Variants in IRAK1BP1 observed in about 807,000 individuals in gnomAD.
IRAK1BP1 encodes interleukin 1 receptor associated kinase 1 binding protein 1.
A neutral mutation model predicts 28.0 loss-of-function variants in IRAK1BP1; 24 were observed. That is an observed-to-expected ratio of 0.86 (90% CI 0.62 to 1.20). The LOEUF (loss-of-function observed/expected upper bound fraction) is 1.20. Among genes scored for constraint, IRAK1BP1 ranks in the 50% most tolerant of loss-of-function variants. The pLI, the probability that IRAK1BP1 is intolerant of heterozygous loss-of-function variation, is 0.00. For missense variants in IRAK1BP1, 336 were observed against 316.7 expected, an observed-to-expected ratio of 1.06 and a Z score of -0.46; for synonymous variants, 131 against 116.3, an observed-to-expected ratio of 1.13 and a Z score of -0.81.
the IRAK1BP1 span, chr6:78,958,639 A>G: frequency 4.1e-6 from 5 of 1,205,010 alleles, no homozygotes; most frequent in Non-Finnish European, 6.1e-6. Context: ...ACTTCCTTAT[A>G]TTTAGAAATA....
chr6:78,947,951 T>C (rs76736089), downstream of IRAK1BP1, among the ~76,000 whole-genome samples: 1 of 150,738 alleles, frequency 6.6e-6, no homozygotes, highest in African/African-American at 2.4e-5. Flanking sequence ...TATTTCATAC[T>C]CCCCCCCCTT....
the IRAK1BP1 span, chr6:78,970,945 C>T: frequency 2.4e-5 from 27 of 1,145,590 alleles, no homozygotes; most frequent in African/African-American, 3.8e-4. Flanking sequence ...ATCCAATATA[C>T]AGGGTATCAG....
At chr6:78,927,773 C>T (rs375258190) in intron 4 of IRAK1BP1, among the ~76,000 whole-genome samples, 49 of 152,098 alleles carry the variant, frequency 3.2e-4, no homozygotes, top group African/African-American at 5.1e-4. Context: ...TTTCCAGGCA[C>T]CATTTACTGA....
chr6:78,900,626 C>T lies in IRAK1BP1; in HGVS notation c.*2292C>T, dbSNP rs1190741301. On this transcript the variant is annotated 3_prime_UTR_variant, in exon 4 of 4. Coordinates refer to ENST00000369940, the MANE Select transcript of IRAK1BP1 (RefSeq NM_001010844.4). ...TTGTGTTCCCAGCCCCAGAGGTAGT[C>T]TCAGGGCCAATATCAAGTATGCTCT... 3.9e-5 allele frequency: 6 copies of T among 152,150 alleles called. No individual in the cohort carries two copies. The highest frequency in any genetic ancestry group is 8.8e-5 in the Non-Finnish European group (6 of 68,028). 9.4% of individuals were successfully genotyped at this position (152,150 alleles called of 1,614,324 possible). A position where few individuals can be genotyped will look rare whatever the true frequency, so the allele number is the denominator to read the frequency against.
chr6:78,887,829 A>G (rs1771485264), intron 2 of IRAK1BP1, among the ~76,000 whole-genome samples: 1 of 152,206 alleles, frequency 6.6e-6, no homozygotes, highest in African/African-American at 2.4e-5. Flanking sequence ...GAACTACGAT[A>G]TGACCCAGCA....
At chr6:78,968,299 T>C in the IRAK1BP1 span, among the ~76,000 whole-genome samples, 1 of 152,238 alleles carries the variant, frequency 6.6e-6, no homozygotes, top group Non-Finnish European at 1.5e-5. Context: ...TTTTTGACAG[T>C]AAGTATCAGA....
At chr6:78,891,437 ATGTTATAACC>A (rs915136608) in intron 2 of IRAK1BP1, among the ~76,000 whole-genome samples, 1 of 151,600 alleles carries the variant, frequency 6.6e-6, no homozygotes, top group Non-Finnish European at 1.5e-5. Flanking sequence ...TGTTATTTTC[ATGTTATAACC>A]TTAGTGTTTA....
At chr6:78,879,077 A>G (rs1273488807) in intron 1 of IRAK1BP1, among the ~76,000 whole-genome samples, 1 of 152,182 alleles carries the variant, frequency 6.6e-6, no homozygotes, top group Non-Finnish European at 1.5e-5. Flanking sequence ...ACTCTTCACG[A>G]TATTATCCAG....
chr6:78,972,894 T>C, the IRAK1BP1 span, among the ~76,000 whole-genome samples: 2 of 152,176 alleles, frequency 1.3e-5, no homozygotes. Flanking sequence ...AGACCAAATC[T>C]ACGTCTGATT....
At chr6:78,975,085 G>A in the IRAK1BP1 span, among the ~76,000 whole-genome samples, 1 of 151,656 alleles carries the variant, frequency 6.6e-6, no homozygotes, top group South Asian at 2.1e-4. Flanking sequence ...GATAATTTTA[G>A]ACCAATATCC....
At chr6:78,907,361 C>CG (rs1232378990), downstream of IRAK1BP1, among the ~76,000 whole-genome samples, 1 of 152,116 alleles carries the variant, frequency 6.6e-6, no homozygotes, top group African/African-American at 2.4e-5. Context: ...ACAATTTCCT[C>CG]TGATTCAAGC....
chr6:78,878,790 G>A (rs772801141), intron 1 of IRAK1BP1, among the ~76,000 whole-genome samples: 11 of 152,140 alleles, frequency 7.2e-5, no homozygotes, highest in South Asian at 2.1e-4. Context: ...AATAAACGGC[G>A]TAGAGAAGAC....
chr6:78,898,526 A>G lies in IRAK1BP1; in HGVS notation c.*192A>G, dbSNP rs557414944. 6.3e-4 allele frequency: 96 copies of G among 151,284 alleles called. No individual in the cohort carries two copies. The highest frequency in any genetic ancestry group is 1.7e-3 in the Admixed American group (25 of 14,570). 9.4% of individuals were successfully genotyped at this position (151,284 alleles called of 1,614,324 possible). A position where few individuals can be genotyped will look rare whatever the true frequency, so the allele number is the denominator to read the frequency against. ...CACAGAATACTTATGTTCACTTTCT[A>G]TTTTTAAAAGACTACTCTGAAAAAC... is the stretch of plus-strand genomic sequence containing the variant. On this transcript the variant is annotated 3_prime_UTR_variant, in exon 4 of 4. Coordinates refer to ENST00000369940, the MANE Select transcript of IRAK1BP1 (RefSeq NM_001010844.4).
chr6:78,974,768 T>A, the IRAK1BP1 span, among the ~76,000 whole-genome samples: 1 of 151,284 alleles, frequency 6.6e-6, no homozygotes, highest in East Asian at 1.9e-4. Flanking sequence ...AACTAGAAAA[T>A]CTAGAAGAAA....
chr6:78,963,070 T>C, the IRAK1BP1 span: 1 of 1,542,422 alleles, frequency 6.5e-7, no homozygotes, highest in Non-Finnish European at 8.7e-7. Context: ...GCCAGTTTTT[T>C]CTATACTCGC....
intron 1 of IRAK1BP1, among the ~76,000 whole-genome samples, chr6:78,879,035 G>T (rs1325554668): frequency 6.6e-6 from 1 of 152,174 alleles, no homozygotes; most frequent in Non-Finnish European, 1.5e-5. Flanking sequence ...GTACCTGAAA[G>T]TGACGGGGAG....
chr6:78,977,912 T>A, the IRAK1BP1 span, among the ~76,000 whole-genome samples: 102 of 152,304 alleles, frequency 6.7e-4, no homozygotes, highest in African/African-American at 2.0e-3. Context: ...TAAATTAGTG[T>A]GCTTTGCTAA....
At chr6:78,940,175 A>C (rs1773416294) in intron 4 of IRAK1BP1, 1 of 152,048 alleles carries the variant, frequency 6.6e-6, no homozygotes, top group African/African-American at 2.4e-5. Context: ...CAAATGGTGG[A>C]AATTTTATAT....
At chr6:78,946,567 A>C, downstream of IRAK1BP1, 1 of 1,391,392 alleles carries the variant, frequency 7.2e-7, no homozygotes, top group Non-Finnish European at 9.3e-7. Flanking sequence ...AAAGATTAAA[A>C]ATCCTCCACA....
Sources: allele counts gnomAD v4.1 joint callset (sites outside exome capture counted in the v4.1 genomes callset), GRCh38; gene constraint gnomAD v4.1.1; transcripts MANE v1.5; gene names NCBI Gene and HGNC (gene_info 2026-07-23, HGNC 2026-07-21).